Variants in DLG2 observed in about 807,000 individuals in gnomAD.
DLG2 encodes the protein discs large MAGUK scaffold protein 2.
In DLG2, 45 loss-of-function variants were observed where a neutral mutation model predicts 132.5. That is an observed-to-expected ratio of 0.34 (90% CI 0.27 to 0.44). DLG2 has a LOEUF of 0.44. DLG2 is among the 20% of genes least tolerant of loss of function. The pLI, the probability that DLG2 is intolerant of heterozygous loss-of-function variation, is 1.00. For missense variants in DLG2, 1,045 were observed against 1,196.9 expected (o/e 0.87, Z 1.87); for synonymous variants, 424 against 419.6 (o/e 1.01, Z -0.13).
intron 8 of DLG2, among the ~76,000 whole-genome samples, chr11:84,182,452 C>G (rs1461299762): frequency 6.6e-6 from 1 of 151,356 alleles, no homozygotes; most frequent in Admixed American, 6.6e-5. Flanking sequence ...GATCACGTGC[C>G]CAGGAGGTTG....
At chr11:84,079,379 G>A (rs1295282535) in intron 10 of DLG2, among the ~76,000 whole-genome samples, 1 of 152,016 alleles carries the variant, frequency 6.6e-6, no homozygotes, top group Non-Finnish European at 1.5e-5. Context: ...TGCCTCCTGG[G>A]TTCCAGCAAT....
At chr11:85,306,299 T>C (rs918898441) in intron 3 of DLG2, among the ~76,000 whole-genome samples, 4 of 152,194 alleles carry the variant, frequency 2.6e-5, no homozygotes, top group Non-Finnish European at 5.9e-5. Flanking sequence ...GCCACTGCTT[T>C]GTGTACTTTG....
intron 6 of DLG2, among the ~76,000 whole-genome samples, chr11:84,710,638 G>A (rs1466976573): frequency 6.6e-6 from 1 of 151,848 alleles, no homozygotes; most frequent in Non-Finnish European, 1.5e-5. Flanking sequence ...TATTAAGGCT[G>A]TTACAGTGCA....
chr11:85,310,854 A>G (rs2080269732), intron 3 of DLG2, among the ~76,000 whole-genome samples: 1 of 152,126 alleles, frequency 6.6e-6, no homozygotes, highest in Non-Finnish European at 1.5e-5. Flanking sequence ...CCAAGTTTGG[A>G]CCTGAAATGC....
chr11:84,534,438 A>C (rs527356213), intron 7 of DLG2, 132 bp downstream of exon 7: 1 of 839,812 alleles, frequency 1.2e-6, no homozygotes, highest in South Asian at 1.8e-5. Flanking sequence ...CACAAGAAAG[A>C]CCCTTTGGCA....
At chr11:83,661,356 T>C (rs2074225039) in intron 18 of DLG2, among the ~76,000 whole-genome samples, 1 of 152,146 alleles carries the variant, frequency 6.6e-6, no homozygotes, top group East Asian at 1.9e-4. Context: ...CTGCATAGGA[T>C]GCCCATGTAA....
At chr11:83,488,586 T>C (rs2137956773) in intron 21 of DLG2, among the ~76,000 whole-genome samples, 1 of 152,214 alleles carries the variant, frequency 6.6e-6, no homozygotes, top group South Asian at 2.1e-4. Flanking sequence ...GGACATGTTT[T>C]ACTTTTTCTC....
chr11:84,237,454 C>G (rs2097172765), intron 8 of DLG2, among the ~76,000 whole-genome samples: 1 of 152,174 alleles, frequency 6.6e-6, no homozygotes, highest in African/African-American at 2.4e-5. Context: ...TTCATTACTA[C>G]TTTTCCTTCA....
chr11:83,774,949 G>C (rs2094527734), intron 18 of DLG2, among the ~76,000 whole-genome samples: 1 of 151,940 alleles, frequency 6.6e-6, no homozygotes, highest in Non-Finnish European at 1.5e-5. Context: ...TGACAGCTTG[G>C]GGCCAAACTA....
intron 18 of DLG2, among the ~76,000 whole-genome samples, chr11:83,688,786 T>G (rs2080305532): frequency 6.6e-6 from 1 of 152,186 alleles, no homozygotes; most frequent in Non-Finnish European, 1.5e-5. Context: ...AGAGTTTGCC[T>G]TCTTTGTTTA....
intron 18 of DLG2, among the ~76,000 whole-genome samples, chr11:83,756,344 T>C (rs962680647): frequency 2.0e-5 from 3 of 151,472 alleles, no homozygotes; most frequent in Non-Finnish European, 4.4e-5. Context: ...AATTATATAA[T>C]TGGTAAAGAT....
chr11:84,941,744 A>G (rs2049461268), intron 6 of DLG2, among the ~76,000 whole-genome samples: 1 of 151,248 alleles, frequency 6.6e-6, no homozygotes, highest in Non-Finnish European at 1.5e-5. Flanking sequence ...CATAAGGATA[A>G]TACTGGCCTC....
intron 7 of DLG2, among the ~76,000 whole-genome samples, chr11:84,504,478 A>G (rs979236119): frequency 6.6e-6 from 1 of 152,312 alleles, no homozygotes. Context: ...AGCATGTAAA[A>G]CCTTATTACT....
At chr11:84,862,673 C>A (rs1358068431) in intron 6 of DLG2, among the ~76,000 whole-genome samples, 2 of 151,952 alleles carry the variant, frequency 1.3e-5, no homozygotes, top group South Asian at 2.1e-4. Context: ...TTTGCAGGGA[C>A]CTGGATGAAG....
At chr11:83,871,522 T>C (rs1347509012) in intron 16 of DLG2, among the ~76,000 whole-genome samples, 4 of 152,330 alleles carry the variant, frequency 2.6e-5, no homozygotes, top group Admixed American at 6.5e-5. Context: ...AGTTTTCAAA[T>C]AATGGGATTT....
intron 19 of DLG2, among the ~76,000 whole-genome samples, chr11:83,612,571 C>A (rs1452297008): frequency 6.6e-6 from 1 of 152,070 alleles, no homozygotes; most frequent in Non-Finnish European, 1.5e-5. Flanking sequence ...CAGTAGCATG[C>A]CTCTCCTTTA....
At chr11:83,959,402 G>A (rs1591842635) in intron 14 of DLG2, among the ~76,000 whole-genome samples, 2 of 152,190 alleles carry the variant, frequency 1.3e-5, no homozygotes, top group South Asian at 2.1e-4. Flanking sequence ...TATAGGTTAT[G>A]GGAAAGTTCC....
Position 85,358,205 on chromosome 11 carries a change from C to T in DLG2, c.41-72840G>A, listed in dbSNP as rs564210490. ...AGTTGGAATGAAAGTTATTAGCTAACAAGACATTTAAAAAGAAATCACAGA... is the reference window on the plus strand; with the variant it reads ...AGTTGGAATGAAAGTTATTAGCTAATAAGACATTTAAAAAGAAATCACAGA... On this transcript the variant is annotated intron_variant, in intron 3 of 27. Coordinates refer to ENST00000376104, the MANE Select transcript of DLG2 (RefSeq NM_001142699.3). Among the ~76,000 whole-genome samples, 223 of 152,212 alleles carry T rather than the reference C, an allele frequency of 1.5e-3. 2 individuals are homozygous for T. The highest frequency in any genetic ancestry group is 3.3e-3 in the South Asian group (16 of 4,828).
At chr11:83,701,864 G>A (rs1210095899) in intron 18 of DLG2, among the ~76,000 whole-genome samples, 2 of 152,268 alleles carry the variant, frequency 1.3e-5, no homozygotes, top group Middle Eastern at 6.8e-3. Flanking sequence ...AGAGGCCTAG[G>A]GGCCACATCA....
Sources: gnomAD v4.1 joint callset for allele counts (sites outside exome capture counted in the v4.1 genomes callset) on GRCh38, gnomAD v4.1.1 for gene constraint, MANE v1.5 for transcripts, NCBI Gene and HGNC (gene_info 2026-07-23, HGNC 2026-07-21) for gene names.